Variants in LRRC56 observed in about 807,000 individuals in gnomAD.
LRRC56 encodes the protein leucine rich repeat containing 56, also known as leucine-rich repeat-containing protein 56.
Under a neutral mutation model 47.8 loss-of-function variants are expected in LRRC56, and 41 were observed. That is an observed-to-expected ratio of 0.86 (90% CI 0.67 to 1.11). The LOEUF (loss-of-function observed/expected upper bound fraction) is 1.11. LRRC56 is among the 50% of genes most tolerant of loss of function. LRRC56 has a pLI of 0.00. For synonymous variants in LRRC56, 387 were observed against 311.2 expected (o/e 1.24, Z -2.56); for missense variants, 759 against 704.2 (o/e 1.08, Z -0.88).
chr11:514,973 C>T, the LRRC56 span, among the ~76,000 whole-genome samples: 5 of 152,228 alleles, frequency 3.3e-5, no homozygotes, highest in African/African-American at 1.2e-4. Context: ...GAACACAGGG[C>T]TGCCTTGTCA....
At chr11:508,437 GCATAAGC>G in the LRRC56 span, among the ~76,000 whole-genome samples, 1 of 152,224 alleles carries the variant, frequency 6.6e-6, no homozygotes. Flanking sequence ...GGAATTACTG[GCATAAGC>G]CACTACACCC....
At chr11:515,215 C>T in the LRRC56 span, among the ~76,000 whole-genome samples, 7 of 152,046 alleles carry the variant, frequency 4.6e-5, no homozygotes, top group Admixed American at 1.3e-4. Flanking sequence ...AGTGCTGCTC[C>T]GGAGACACGA....
At chr11:533,995 G>C (rs1400794782), upstream of LRRC56, 2 of 1,574,126 alleles carry the variant, frequency 1.3e-6, no homozygotes, top group South Asian at 2.2e-5. Context: ...CGTGGGGGGA[G>C]TTCACACAGC....
chr11:549,935 G>T lies in LRRC56; in HGVS notation c.360G>T (p.Val120=). 1.2e-6 allele frequency: 2 copies of T among 1,612,970 alleles called. No homozygotes were observed. Among genetic ancestry groups the T allele is most frequent in the Non-Finnish European group, 1.7e-6 (2 of 1,179,938 alleles). The part of the protein sequence containing the change: ...DLGTSLGHLQ[V]LWLARCGLAD... ...GCACGTCTCTGGGCCACCTGCAGGT[G>T]CTGTGGCTGGCTCGCTGTGGCCTCG... Residue 120 remains valine, a synonymous_variant, in exon 7 of 14, where the codon GTG becomes GTT. Transcript: ENST00000270115.
At chr11:509,517 G>GC in the LRRC56 span, among the ~76,000 whole-genome samples, 1 of 152,106 alleles carries the variant, frequency 6.6e-6, no homozygotes, top group African/African-American at 2.4e-5. Context: ...CCTGGACAGT[G>GC]CGGCCACAGC....
intron 6 of LRRC56, among the ~76,000 whole-genome samples, chr11:545,249 C>T (rs925403886): frequency 1.3e-5 from 2 of 152,248 alleles, no homozygotes; most frequent in African/African-American, 2.4e-5. Flanking sequence ...GCAAACTCCA[C>T]AAAGGTGCCC....
the LRRC56 span, among the ~76,000 whole-genome samples, chr11:513,417 C>A: frequency 6.6e-6 from 1 of 152,086 alleles, no homozygotes; most frequent in Non-Finnish European, 1.5e-5. Flanking sequence ...CCTCAGTGTC[C>A]CGAGGTGCTG....
At chr11:510,121 C>T in the LRRC56 span, among the ~76,000 whole-genome samples, 1 of 152,210 alleles carries the variant, frequency 6.6e-6, no homozygotes, top group South Asian at 2.1e-4. Flanking sequence ...TACACGTTAG[C>T]TTAAATAGGG....
chr11:549,324 C>T (rs541886736), intron 6 of LRRC56, among the ~76,000 whole-genome samples: 1 of 152,240 alleles, frequency 6.6e-6, no homozygotes, highest in South Asian at 2.1e-4. Flanking sequence ...GTGCAGGGTC[C>T]CTGGGGACAG....
Position 551,277 on chromosome 11 carries a change from G to T in LRRC56, c.771G>T (p.Lys257Asn), listed in dbSNP as rs1467298741. Residue 257 changes from lysine (K) to asparagine (N), a missense_variant, in exon 9 of 14, where the codon AAG becomes AAT. Transcript: ENST00000270115. ...QDWLAVKEAI[K>N]KGNGLPPLDC... ...GGCTTGCGGTGAAGGAGGCCATCAA[G>T]AAGGGCAACGGCCTTCCCCCGCTGG... 2.0e-6 allele frequency: 3 copies of T among 1,536,188 alleles called. No individual in the cohort carries two copies. In the African/African-American group the frequency reaches 4.1e-5, roughly 21 times the overall value.
chr11:513,614 A>G, the LRRC56 span, among the ~76,000 whole-genome samples: 1 of 152,164 alleles, frequency 6.6e-6, no homozygotes, highest in Non-Finnish European at 1.5e-5. Flanking sequence ...TGCTGTGGAC[A>G]AAATGCTACC....
intron 3 of LRRC56, among the ~76,000 whole-genome samples, chr11:539,973 G>C (rs1449280401): frequency 6.6e-6 from 1 of 152,222 alleles, no homozygotes; most frequent in African/African-American, 2.4e-5. Flanking sequence ...CGCCAGCTGG[G>C]TCCGTGGATA....
rs750887552 is a variant in LRRC56, at chr11:552,223, A to G, written c.1172A>G (p.His391Arg). Reference protein sequence around the residue: ...ALAGLRAWREHGVRPLPYRHP... With the variant: ...ALAGLRAWRERGVRPLPYRHP... ...GCTGGGCTCAGGGCCTGGAGGGAAC[A>G]TGGCGTGCGGTGGGTGTCCCTCCAG... Residue 391 changes from histidine to arginine, a missense_variant, in exon 12 of 14, where the codon CAT becomes CGT. His to Arg is a conservative substitution (Grantham distance 29). Coordinates refer to ENST00000270115, the MANE Select transcript of LRRC56 (RefSeq NM_198075.4). 6.2e-7 allele frequency: 1 copy of G among 1,610,126 alleles called. No individual in the cohort carries two copies. The highest frequency in any genetic ancestry group is 1.7e-5 in the Admixed American group (1 of 59,900).
intron 13 of LRRC56, among the ~76,000 whole-genome samples, 157 bp downstream of exon 13, chr11:552,859 T>TG (rs1290802379): frequency 1.3e-5 from 2 of 151,892 alleles, no homozygotes; most frequent in East Asian, 1.9e-4. Context: ...CTTCTGGGGG[T>TG]GGGGGGCTCA....
Position 554,821 on chromosome 11 carries a change from C to A in LRRC56, c.*545C>A. ...GTTCCCTCCTCTTGGCGCAGGACGC[C>A]CCGGAACCCAAACCAACATTTCCAG... On this transcript the variant is annotated 3_prime_UTR_variant, in exon 14 of 14. Coordinates refer to ENST00000270115, the MANE Select transcript of LRRC56 (RefSeq NM_198075.4). The A allele has an allele frequency of 1.7e-6, 1 of 575,536 alleles. No individual in the cohort carries two copies. The highest frequency in any genetic ancestry group is 2.3e-5 in the South Asian group (1 of 44,102). The allele number at this position is 575,536 out of a possible 1,614,324, so 35.7% of individuals were successfully genotyped here. A position where few individuals can be genotyped will look rare whatever the true frequency, so the allele number is the denominator to read the frequency against.
chr11:553,820 G>T (rs1852583874), intron 13 of LRRC56, 143 bp from the exon 14 acceptor site: 2 of 696,904 alleles, frequency 2.9e-6, no homozygotes, highest in Non-Finnish European at 2.4e-6. Context: ...CAGAAAGTGG[G>T]GTGCAGGGGT....
intron 6 of LRRC56, 65 bp downstream of exon 6, chr11:544,845 A>C: frequency 1.2e-5 from 9 of 780,526 alleles, no homozygotes; most frequent in East Asian, 4.5e-5. Flanking sequence ...CAGGCCCTGC[A>C]GGGATGGGGG....
At chr11:533,203 C>T, upstream of LRRC56, 9 of 1,333,994 alleles carry the variant, frequency 6.7e-6, no homozygotes, top group Non-Finnish European at 7.2e-6. Context: ...GCTGTGTCGG[C>T]CCAGGACTGC....
intron 1 of LRRC56, 121 bp from the exon 2 acceptor site, chr11:538,477 C>G (rs1250044600): frequency 6.6e-6 from 1 of 152,318 alleles, no homozygotes; most frequent in Admixed American, 6.5e-5. Flanking sequence ...TGAGATTCTG[C>G]TTTGGGCTTC....
Sources: gnomAD v4.1 joint callset for allele counts (sites outside exome capture counted in the v4.1 genomes callset) on GRCh38, gnomAD v4.1.1 for gene constraint, MANE v1.5 for transcripts, NCBI Gene and HGNC (gene_info 2026-07-23, HGNC 2026-07-21) for gene names.